The following PRCD variants were observed in gnomAD, a reference collection of about 807,000 sequenced individuals.
PRCD encodes the protein photoreceptor disc component.
PRCD carries 12 observed loss-of-function variants against 10.1 expected under a neutral mutation model. The observed-to-expected ratio is 1.18, with a 90% CI of 0.76 to 1.92. PRCD has a LOEUF of 1.92. Ranked by LOEUF, PRCD falls within the 40% of genes most tolerant of loss-of-function variation. The probability of loss-of-function intolerance (pLI) is 0.00; values close to 1 mark genes in which losing one functional copy is unlikely to be tolerated. For synonymous variants in PRCD, 31 were observed against 26.2 expected, an observed-to-expected ratio of 1.18 and a Z score of -0.56; for missense variants, 61 against 72.2, an observed-to-expected ratio of 0.84 and a Z score of 0.56.
At position 76,543,198 on chromosome 17, in the gene PRCD, A is replaced by T. The variant is rs1049396821; in HGVS notation, c.*152+77A>T. On this transcript the variant is annotated intron_variant, in intron 4 of 4. Transcript: ENST00000592014. Reference sequence around the variant, plus strand: ...CCCTGGGTGTGGGCTCCTGAGCAGGACCTGGCTGGGCCTGGCAGAAAGAGC... The same window carrying T: ...CCCTGGGTGTGGGCTCCTGAGCAGGTCCTGGCTGGGCCTGGCAGAAAGAGC... 2.3e-5 allele frequency: 10 copies of T among 426,896 alleles called. No individual in the cohort carries two copies. The East Asian group carries it at 7.1e-4, about 30-fold the overall frequency. 26.4% of individuals were successfully genotyped at this position (426,896 alleles called of 1,614,324 possible).
chr17:76,543,414 C>T lies in PRCD; in HGVS notation c.*152+293C>T, dbSNP rs574585276. Reference sequence around the variant, plus strand: ...GTGAGGAGACCCCAGAAGCAAGGGACGGCTGATAGCTCACATTTACTAAGC... The same window carrying T: ...GTGAGGAGACCCCAGAAGCAAGGGATGGCTGATAGCTCACATTTACTAAGC... On this transcript the variant is annotated intron_variant, in intron 4 of 4. Coordinates refer to ENST00000592014, the MANE Select transcript of PRCD (RefSeq NM_001077620.3). 17 of 336,478 alleles carry T rather than the reference C, an allele frequency of 5.1e-5. 1 individual carries two copies. The highest frequency in any genetic ancestry group is 1.7e-4 in the African/African-American group (8 of 46,574). The allele number at this position is 336,478 out of a possible 1,614,324, so 20.8% of individuals were successfully genotyped here.
rs773995352 is a variant in PRCD at position 76,540,255 on chromosome 17, G to GT, written c.74+40_74+41insT. ...GGGCTATGGCTGGCGGTTGGTCGGG[G>GT]GGGGGGGGCATGGGGCTGGGCTGCC... On this transcript the variant is annotated intron_variant, in intron 1 of 4. Coordinates refer to ENST00000592014, the MANE Select transcript of PRCD (RefSeq NM_001077620.3). This position sits in a 1 kb window ranked among gnomAD's most constrained non-coding sequence, Gnocchi z 5.0. 6.4e-6 allele frequency: 7 copies of GT among 1,095,562 alleles called. No individual in the cohort carries two copies. Among genetic ancestry groups the GT allele is most frequent in the South Asian group, 4.0e-5 (3 of 74,660 alleles). The allele number at this position is 1,095,562 out of a possible 1,614,324, so 67.9% of individuals were successfully genotyped here.
upstream of PRCD, chr17:76,537,699 GGT>G (rs550286728): frequency 8.0e-3 from 4,389 of 550,584 alleles, 2 homozygotes; most frequent in South Asian, 9.2e-3. Context: ...GTGCGCGCCG[GGT>G]GTGTGTGTGT....
At chr17:76,545,878 G>A (rs1031538045), downstream of PRCD, 12 of 167,996 alleles carry the variant, frequency 7.1e-5, no homozygotes, top group Non-Finnish European at 1.3e-4. Flanking sequence ...CCTTCCTGCC[G>A]TCTCTCCACA....
downstream of PRCD, chr17:76,545,585 G>A (rs1011467627): frequency 6.7e-5 from 23 of 344,422 alleles, no homozygotes; most frequent in Non-Finnish European, 1.2e-4. Context: ...CAGAGTCAGA[G>A]CTCCTGGGTT....
downstream of PRCD, chr17:76,546,550 G>T (rs2143193892): frequency 6.6e-6 from 1 of 152,216 alleles, no homozygotes; most frequent in South Asian, 2.1e-4. This position sits in a 1 kb window ranked among gnomAD's most constrained non-coding sequence, Gnocchi z 4.5. Flanking sequence ...CCCACTATGA[G>T]ACAGGCACAA....
chr17:76,536,050 G>A (rs956353427), upstream of PRCD, among the ~76,000 whole-genome samples: 1 of 152,218 alleles, frequency 6.6e-6, no homozygotes, highest in African/African-American at 2.4e-5. Flanking sequence ...TTGTGTGGGT[G>A]CCAGCACCTG....
Position 76,528,555 on chromosome 17 carries a change from G to A in PRCD, n.45+722G>A. On this transcript the variant is annotated intron_variant and non_coding_transcript_variant, in intron 1 of 4. Coordinates refer to the PRCD transcript ENST00000397633. This position sits in a 1 kb window ranked among gnomAD's most constrained non-coding sequence, Gnocchi z 5.8. ...GGCCTTCTGCTCGAGGTGCTGCCAG[G>A]GAGGGGGGTGGAGTTAGGGGTCCTA... 3.9e-6 allele frequency: 5 copies of A among 1,289,276 alleles called. No individual in the cohort carries two copies. Among genetic ancestry groups the A allele is most frequent in the Non-Finnish European group, 4.9e-6 (5 of 1,010,586 alleles). 79.9% of individuals were successfully genotyped at this position (1,289,276 alleles called of 1,614,324 possible).
intron 2 of PRCD, 150 bp from the exon 3 acceptor site, chr17:76,542,403 A>G (rs1598213427): frequency 1.2e-5 from 11 of 890,310 alleles, no homozygotes; most frequent in East Asian, 9.8e-5. Context: ...CTCCAGTCAC[A>G]CTGTCCTAAA....
Position 76,545,293 on chromosome 17 carries a change from G to A in PRCD, c.*1643G>A, listed in dbSNP as rs964710074. The A allele has an allele frequency of 2.2e-5, 10 of 456,622 alleles. No individual in the cohort carries two copies. The highest frequency in any genetic ancestry group is 2.0e-4 in the African/African-American group (10 of 50,074). The allele number at this position is 456,622 out of a possible 1,614,324, so 28.3% of individuals were successfully genotyped here. A position where few individuals can be genotyped will look rare whatever the true frequency, so the allele number is the denominator to read the frequency against. ...CGGGTGCCCCTTCCTTGGCCCACTG[G>A]CTCCCATCACAGGGCTTAGTGTGAA... On this transcript the variant is annotated 3_prime_UTR_variant, in exon 5 of 5. Transcript: ENST00000592014.
At chr17:76,536,012 A>G (rs11656259), upstream of PRCD, among the ~76,000 whole-genome samples, 148,943 of 152,290 alleles carry the variant, frequency 0.98, 72,922 homozygotes, top group Middle Eastern at 1. Context: ...AGTCTGGCAC[A>G]TCTGCGGCTC....
At chr17:76,548,541 G>A (rs990090685), downstream of PRCD, among the ~76,000 whole-genome samples, 1 of 152,232 alleles carries the variant, frequency 6.6e-6, no homozygotes, top group African/African-American at 2.4e-5. Flanking sequence ...AACCCTGCCT[G>A]TCCCTGTGAC....
intron 3 of PRCD, 89 bp downstream of exon 3, chr17:76,542,722 T>G (rs112871496): frequency 1.2e-6 from 1 of 818,044 alleles, no homozygotes. Flanking sequence ...TGTGGGAGGA[T>G]AGCAGGCAGT....
Position 76,544,208 on chromosome 17 carries a change from T to C in PRCD, c.*558T>C, listed in dbSNP as rs1315865028. On this transcript the variant is annotated 3_prime_UTR_variant, in exon 5 of 5. Transcript: ENST00000592014. ...TCTTCAAAAACCCCCCGTGCCTCTG[T>C]GCACACGCGTCTCTCCTCCCCAGCC... 2.2e-6 allele frequency: 1 copy of C among 454,520 alleles called. No homozygotes were observed. The highest frequency in any genetic ancestry group is 7.0e-5 in the East Asian group (1 of 14,382). 28.2% of individuals were successfully genotyped at this position (454,520 alleles called of 1,614,324 possible). A position where few individuals can be genotyped will look rare whatever the true frequency, so the allele number is the denominator to read the frequency against.
Position 76,530,794 on chromosome 17 carries a change from G to A in PRCD, n.45+2961G>A, listed in dbSNP as rs752190408. Among the ~76,000 whole-genome samples, 1 of 152,124 alleles carries A rather than the reference G, an allele frequency of 6.6e-6. No homozygotes were observed. The highest frequency in any genetic ancestry group is 1.5e-5 in the Non-Finnish European group (1 of 68,008). On this transcript the variant is annotated intron_variant and non_coding_transcript_variant, in intron 1 of 4. Transcript: ENST00000397633. The surrounding 1 kb of genome is among the most constrained non-coding windows in gnomAD (Gnocchi z 6.1). ...TGGCTCTGAGCAGCCTGAAGTCACA[G>A]GGGAGCCATCTTGAAGGCCTTTCCT...
rs1953042522 is a variant in PRCD at position 76,533,051 on chromosome 17, T to C, written n.45+5218T>C. Among the ~76,000 whole-genome samples the C allele has an allele frequency of 6.6e-6, 1 of 151,742 alleles. No individual in the cohort carries two copies. Among genetic ancestry groups the C allele is most frequent in the African/African-American group, 2.4e-5 (1 of 41,244 alleles). Reference sequence around the variant, plus strand: ...GCGGAAGTAGCCCTTTGGCCAGGAGTCGAGTCTCAGATGTGAGGGCTGGAA... The same window carrying C: ...GCGGAAGTAGCCCTTTGGCCAGGAGCCGAGTCTCAGATGTGAGGGCTGGAA... On this transcript the variant is annotated intron_variant and non_coding_transcript_variant, in intron 1 of 4. Transcript: ENST00000397633. The surrounding 1 kb of genome is among the most constrained non-coding windows in gnomAD (Gnocchi z 4.5).
chr17:76,540,835 G>A lies in PRCD; in HGVS notation c.143+262G>A, dbSNP rs1279675425. 6.6e-6 allele frequency among the ~76,000 whole-genome samples: 1 copy of A among 152,238 alleles called. No individual in the cohort carries two copies. Among genetic ancestry groups the A allele is most frequent in the Non-Finnish European group, 1.5e-5 (1 of 68,032 alleles). ...CTCCAGCACGGGGCGGTCCCCCGGGGCACCTTCTGTCAGAAGGCACAGGGG... is the reference window on the plus strand; with the variant it reads ...CTCCAGCACGGGGCGGTCCCCCGGGACACCTTCTGTCAGAAGGCACAGGGG... On this transcript the variant is annotated intron_variant, in intron 2 of 4. Transcript: ENST00000592014. The surrounding 1 kb of genome is among the most constrained non-coding windows in gnomAD (Gnocchi z 5.0).
intron 1 of PRCD, chr17:76,551,478 C>T (rs1598221321): frequency 2.0e-5 from 3 of 152,212 alleles, no homozygotes; most frequent in South Asian, 2.1e-4. Context: ...ACAACTCCAA[C>T]GCCATCTATT....
Position 76,528,167 on chromosome 17 carries a change from T to G in PRCD, n.45+334T>G. 1 of 392,892 alleles carries G rather than the reference T, an allele frequency of 2.5e-6. No individual in the cohort carries two copies. The highest frequency in any genetic ancestry group is 4.5e-6 in the Non-Finnish European group (1 of 223,480). 24.3% of individuals were successfully genotyped at this position (392,892 alleles called of 1,614,324 possible). A position where few individuals can be genotyped will look rare whatever the true frequency, so the allele number is the denominator to read the frequency against. ...ATTTATATATAGCTCGTATATAGAA[T>G]ATATCTGTATATATGGTAGATGTGT... On this transcript the variant is annotated intron_variant and non_coding_transcript_variant, in intron 1 of 4. Coordinates refer to the PRCD transcript ENST00000397633. This position sits in a 1 kb window ranked among gnomAD's most constrained non-coding sequence, Gnocchi z 5.8.
Sources: allele counts gnomAD v4.1 joint callset (sites outside exome capture counted in the v4.1 genomes callset), GRCh38; gene constraint gnomAD v4.1.1; non-coding constraint Gnocchi (gnomAD v3.1); transcripts MANE v1.5; gene names NCBI Gene and HGNC (gene_info 2026-07-23, HGNC 2026-07-21).